DYNC2H1: variants seen among roughly 807,000 people sequenced by gnomAD.
The protein encoded by DYNC2H1 is cytoplasmic dynein 2 heavy chain 1.
A neutral mutation model predicts 570.0 loss-of-function variants in DYNC2H1; 410 were observed. The ratio of observed to expected loss-of-function variants is 0.72; its 90% CI spans 0.66 to 0.78. The LOEUF (loss-of-function observed/expected upper bound fraction) is 0.78, where lower values mean the gene tolerates loss of function less well. DYNC2H1 is among the 30% of genes least tolerant of loss of function. DYNC2H1 has a pLI of 0.00. For missense variants in DYNC2H1, 4,865 were observed against 5,046.4 expected (o/e 0.96, Z 1.09); for synonymous variants, 1,688 against 1,677.6 (o/e 1.01, Z -0.15).
intron 59 of DYNC2H1, among the ~76,000 whole-genome samples, chr11:103,223,569 GT>G (rs1565409028): frequency 2.6e-4 from 3 of 11,644 alleles, no homozygotes; most frequent in African/African-American, 4.1e-4. Flanking sequence ...GTTATTTTTA[GT>G]AGAGACTAAA....
intron 70 of DYNC2H1, among the ~76,000 whole-genome samples, chr11:103,260,680 C>T (rs1246918968): frequency 6.2e-5 from 9 of 145,526 alleles, no homozygotes; most frequent in African/African-American, 1.3e-4. Context: ...AGTGCAGTGG[C>T]GAAGTCTTGG....
At chr11:103,317,922 G>A (rs1213633011) in intron 80 of DYNC2H1, among the ~76,000 whole-genome samples, 1 of 151,914 alleles carries the variant, frequency 6.6e-6, no homozygotes, top group Non-Finnish European at 1.5e-5. Context: ...CTTCCCACTA[G>A]AGCATTATCT....
At chr11:103,240,212 T>C (rs1253789594) in intron 63 of DYNC2H1, among the ~76,000 whole-genome samples, 1 of 152,180 alleles carries the variant, frequency 6.6e-6, no homozygotes, top group Non-Finnish European at 1.5e-5. Flanking sequence ...ATGGGTTCTC[T>C]TTACCCTTTG....
intron 84 of DYNC2H1, among the ~76,000 whole-genome samples, chr11:103,401,094 G>A (rs756401508): frequency 6.6e-5 from 10 of 152,024 alleles, no homozygotes; most frequent in Non-Finnish European, 1.3e-4. Context: ...TAATTAACTC[G>A]TTTAATCATC....
chr11:103,286,128 C>T lies in DYNC2H1; in HGVS notation c.10891-127C>T, dbSNP rs1215742590. On this transcript the variant is annotated intron_variant, in intron 73 of 88. Transcript: ENST00000375735. Reference sequence around the variant, plus strand: ...CCAACCTAGAAATAATTAGACAAGGCAACACAAAGTAGAAGAGTAATAAAC... The same window carrying T: ...CCAACCTAGAAATAATTAGACAAGGTAACACAAAGTAGAAGAGTAATAAAC... 6 of 1,261,816 alleles carry T rather than the reference C, an allele frequency of 4.8e-6. No homozygotes were observed. The African/African-American group carries it at 9.1e-5, about 19-fold the overall frequency. 78.2% of individuals were successfully genotyped at this position (1,261,816 alleles called of 1,614,324 possible). A position where few individuals can be genotyped will look rare whatever the true frequency, so the allele number is the denominator to read the frequency against.
At position 103,455,191 on chromosome 11, in the gene DYNC2H1, G is replaced by C. The variant is rs1047872625; in HGVS notation, c.12462G>C (p.Trp4154Cys). The change falls in exon 86 of 89, where the codon TGG becomes TGC. Residue 4154 changes from tryptophan to cysteine, a missense_variant. Around this residue, in one of 5 missense-constraint regions of DYNC2H1, gnomAD observed 2,401 missense variants for 2,454.6 expected, o/e 0.98. Coordinates refer to ENST00000375735, the MANE Select transcript of DYNC2H1 (RefSeq NM_001377.3). ...TCATATTTCCCCCCCTCTAGAACTG[G>C]GTAGATAAAGCTGAAAAACAGGCTC... ...LVARALAIQNWVDKAEKQALL... is the reference protein window; with the variant it reads ...LVARALAIQNCVDKAEKQALL... 6.2e-6 allele frequency: 10 copies of C among 1,612,308 alleles called. No individual in the cohort carries two copies. Among genetic ancestry groups the C allele is most frequent in the Non-Finnish European group, 8.5e-6 (10 of 1,178,836 alleles).
Position 103,289,132 on chromosome 11 carries a change from C to A in DYNC2H1, c.11095+1527C>A, listed in dbSNP as rs1866485896. Among the ~76,000 whole-genome samples the A allele has an allele frequency of 6.6e-6, 1 of 152,188 alleles. No homozygotes were observed. Among genetic ancestry groups the A allele is most frequent in the Admixed American group, 6.5e-5 (1 of 15,278 alleles). On this transcript the variant is annotated intron_variant, in intron 75 of 88. Coordinates refer to ENST00000375735, the MANE Select transcript of DYNC2H1 (RefSeq NM_001377.3). The surrounding 1 kb of genome is among the most constrained non-coding windows in gnomAD (Gnocchi z 4.2). ...CAGCAAGAAAACCTCACTTCACCCC[C>A]ACTGTGATTCCATCTCCAATGTGAC...
chr11:103,337,995 T>G (rs755734630), intron 82 of DYNC2H1, among the ~76,000 whole-genome samples: 30 of 152,204 alleles, frequency 2.0e-4, no homozygotes, highest in Non-Finnish European at 3.4e-4. Flanking sequence ...TTTCTTCTAG[T>G]AGTTTCACAG....
At chr11:103,251,046 G>A (rs796836329) in intron 65 of DYNC2H1, among the ~76,000 whole-genome samples, 1 of 151,946 alleles carries the variant, frequency 6.6e-6, no homozygotes, top group African/African-American at 2.4e-5. Context: ...AATTAATAGT[G>A]TCAAGTTTGT....
At chr11:103,211,636 G>A (rs1863157379) in intron 53 of DYNC2H1, among the ~76,000 whole-genome samples, 153 bp from the exon 54 acceptor site, 1 of 152,060 alleles carries the variant, frequency 6.6e-6, no homozygotes, top group Admixed American at 6.6e-5. Flanking sequence ...GTCTAGGAAT[G>A]CCTGTGCATC....
chr11:103,233,830 A>ATGTGTGTG lies in DYNC2H1; in HGVS notation c.9441-163_9441-156dup, dbSNP rs745355739. 1.8e-4 allele frequency among the ~76,000 whole-genome samples: 14 copies of ATGTGTGTG among 75,842 alleles called. No individual in the cohort carries two copies. The East Asian group carries it at 2.3e-3, about 13-fold the overall frequency. 49.8% of individuals were successfully genotyped at this position (75,842 alleles called of 152,430 possible). ...TTTGAGGTAGAGAATGCTACACTTT[A>ATGTGTGTG]TGTGTGTGTGTGTGTGTGTGTGTGT... On this transcript the variant is annotated intron_variant, in intron 60 of 88. Coordinates refer to ENST00000375735, the MANE Select transcript of DYNC2H1 (RefSeq NM_001377.3).
chr11:103,246,984 T>TTC (rs914582986), intron 65 of DYNC2H1, among the ~76,000 whole-genome samples: 11 of 151,672 alleles, frequency 7.3e-5, no homozygotes, highest in African/African-American at 2.7e-4. Flanking sequence ...AATTCTCTTT[T>TTC]TCTCTCTCTC....
At chr11:103,408,818 T>G (rs1161426561) in intron 84 of DYNC2H1, among the ~76,000 whole-genome samples, 1 of 152,036 alleles carries the variant, frequency 6.6e-6, no homozygotes, top group Non-Finnish European at 1.5e-5. Context: ...TAGTTTAGGT[T>G]GTTCGGAGGT....
rs1864595203 is a variant in DYNC2H1 at position 103,245,905 on chromosome 11, T to A, written c.10042+531T>A. Among the ~76,000 whole-genome samples the A allele has an allele frequency of 6.6e-6, 1 of 152,140 alleles. No individual in the cohort carries two copies. Among genetic ancestry groups the A allele is most frequent in the South Asian group, 2.1e-4 (1 of 4,830 alleles). Reference sequence around the variant, plus strand: ...CTTAAAGAGCATATCATGCAAAGTGTATACACATACATATGTAGACGTGTA... The same window carrying A: ...CTTAAAGAGCATATCATGCAAAGTGAATACACATACATATGTAGACGTGTA... On this transcript the variant is annotated intron_variant, in intron 65 of 88. Coordinates refer to ENST00000375735, the MANE Select transcript of DYNC2H1 (RefSeq NM_001377.3). This position sits in a 1 kb window ranked among gnomAD's most constrained non-coding sequence, Gnocchi z 4.5.
chr11:103,266,739 CT>C (rs2135294192), intron 70 of DYNC2H1, among the ~76,000 whole-genome samples: 2 of 152,214 alleles, frequency 1.3e-5, no homozygotes, highest in East Asian at 3.9e-4. Flanking sequence ...TCTGCTGGAG[CT>C]GTCTGCCAGT....
At position 103,256,096 on chromosome 11, in the gene DYNC2H1, T is replaced by C. The variant is rs777812212; in HGVS notation, c.10327-10T>C. 1 of 1,590,106 alleles carries C rather than the reference T, an allele frequency of 6.3e-7. No homozygotes were observed. The highest frequency in any genetic ancestry group is 8.6e-7 in the Non-Finnish European group (1 of 1,166,572). ...TATAATAATATTCATATTGTTAACT[T>C]TCCCTACAGACACTTGCCACATCTC... On this transcript the variant is annotated splice_polypyrimidine_tract_variant and intron_variant, in intron 67 of 88. Coordinates refer to ENST00000375735, the MANE Select transcript of DYNC2H1 (RefSeq NM_001377.3). This position sits in a 1 kb window ranked among gnomAD's most constrained non-coding sequence, Gnocchi z 4.0.
intron 82 of DYNC2H1, among the ~76,000 whole-genome samples, chr11:103,336,160 A>G (rs950663459): frequency 2.6e-5 from 4 of 152,170 alleles, no homozygotes; most frequent in Non-Finnish European, 5.9e-5. Context: ...TGTATTTTTT[A>G]TGGCTACATA....
chr11:103,340,418 T>TAC (rs3076534), intron 82 of DYNC2H1, among the ~76,000 whole-genome samples: 148,273 of 152,278 alleles, frequency 0.97, 72,311 homozygotes, highest in Middle Eastern at 1. Flanking sequence ...ATCAATATTT[T>TAC]AGTTACGTCA....
At position 103,240,780 on chromosome 11, in the gene DYNC2H1, G is replaced by A. The variant is rs193048957; in HGVS notation, c.9820-2913G>A. ...AGTGATTTTTCTAAAACATTAATCC[G>A]ATCATAATATTGCCTCAATTAATAT... On this transcript the variant is annotated intron_variant, in intron 63 of 88. Transcript: ENST00000375735. Among the ~76,000 whole-genome samples the A allele has an allele frequency of 1.0e-3, 153 of 151,968 alleles. 2 individuals carry two copies. Among genetic ancestry groups the A allele is most frequent in the African/African-American group, 2.7e-3 (111 of 41,456 alleles).
Sources: gnomAD v4.1 joint callset for allele counts (sites outside exome capture counted in the v4.1 genomes callset) on GRCh38, gnomAD v4.1.1 for gene constraint, gnomAD v4.1.1 regional missense constraint, Gnocchi (gnomAD v3.1) non-coding constraint, MANE v1.5 for transcripts, NCBI Gene and HGNC (gene_info 2026-07-23, HGNC 2026-07-21) for gene names.